SPAG6: variants seen among roughly 807,000 people sequenced by gnomAD.
SPAG6 encodes the protein sperm-associated antigen 6.
SPAG6 carries 49 observed loss-of-function variants against 58.5 expected under a neutral mutation model. The ratio of observed to expected loss-of-function variants is 0.84; its 90% CI spans 0.67 to 1.06. The LOEUF is 1.06. Among genes scored for constraint, SPAG6 ranks in the 50% least tolerant of loss-of-function variants. The pLI, the probability that SPAG6 is intolerant of heterozygous loss-of-function variation, is 0.00. For synonymous variants in SPAG6, 233 were observed against 225.6 expected (o/e 1.03, Z -0.29); for missense variants, 560 against 611.3 (o/e 0.92, Z 0.89).
chr10:22,354,311 C>T (rs563199531), intron 2 of SPAG6, among the ~76,000 whole-genome samples: 2 of 152,222 alleles, frequency 1.3e-5, no homozygotes, highest in Admixed American at 6.5e-5. Flanking sequence ...GCAGGTAAGG[C>T]GAGAGATGAC....
At chr10:22,410,337 TAAA>T (rs1210457261) in intron 9 of SPAG6, among the ~76,000 whole-genome samples, 5 of 152,148 alleles carry the variant, frequency 3.3e-5, no homozygotes, top group Non-Finnish European at 7.3e-5. Flanking sequence ...AATGGATAAT[TAAA>T]AATTAAAATT....
At chr10:22,405,579 G>C (rs1290506326) in intron 9 of SPAG6, among the ~76,000 whole-genome samples, 3 of 150,124 alleles carry the variant, frequency 2.0e-5, no homozygotes, top group African/African-American at 7.4e-5. Context: ...GTTCATCAAG[G>C]ATATTGGTCT....
chr10:22,379,994 C>CA (rs1833912290), intron 4 of SPAG6, among the ~76,000 whole-genome samples: 2 of 152,178 alleles, frequency 1.3e-5, no homozygotes, highest in South Asian at 4.1e-4. Context: ...GGGTCTCTCT[C>CA]TGTTTCCCAT....
Position 22,387,705 on chromosome 10 carries a change from CA to C in SPAG6, c.679-117del, listed in dbSNP as rs1834100308. 5.3e-6 allele frequency: 5 copies of C among 952,338 alleles called. No individual in the cohort carries two copies. In the South Asian group the frequency reaches 9.7e-5, roughly 18 times the overall value. 59.0% of individuals were successfully genotyped at this position (952,338 alleles called of 1,614,324 possible). A position where few individuals can be genotyped will look rare whatever the true frequency, so the allele number is the denominator to read the frequency against. ...AAATCTTAGGCTGTTTAGGCATGTA[CA>C]TTTTTTTCCTTTTATAAAGGAATTT... is the stretch of plus-strand genomic sequence containing the variant. On this transcript the variant is annotated intron_variant, in intron 5 of 10. Transcript: ENST00000376624.
chr10:22,416,826 T>C lies in SPAG6; in HGVS notation c.*138T>C. The C allele has an allele frequency of 1.9e-6, 1 of 522,014 alleles. No individual in the cohort carries two copies. The highest frequency in any genetic ancestry group is 5.3e-4 in the Middle Eastern group (1 of 1,890). 32.3% of individuals were successfully genotyped at this position (522,014 alleles called of 1,614,324 possible). The stretch of plus-strand genomic sequence containing the variant: ...ACCTTTAGATAATATTTTCTAAATT[T>C]ATGTAATACTTTAAACATTCGTAGC... On this transcript the variant is annotated 3_prime_UTR_variant, in exon 11 of 11. Transcript: ENST00000376624.
At chr10:22,381,587 T>C (rs534911631) in intron 4 of SPAG6, among the ~76,000 whole-genome samples, 65 of 152,026 alleles carry the variant, frequency 4.3e-4, no homozygotes, top group African/African-American at 1.5e-3. Flanking sequence ...GGCATTTGCA[T>C]TGACCACTTC....
chr10:22,359,748 A>G (rs150055178), intron 2 of SPAG6, among the ~76,000 whole-genome samples: 2 of 152,350 alleles, frequency 1.3e-5, no homozygotes, highest in South Asian at 2.1e-4. Flanking sequence ...AACCAAGGCA[A>G]CAAGATAACT....
At chr10:22,372,684 C>T (rs577343551) in intron 4 of SPAG6, among the ~76,000 whole-genome samples, 4 of 150,572 alleles carry the variant, frequency 2.7e-5, no homozygotes, top group African/African-American at 4.9e-5. Context: ...TGCAAGTGTG[C>T]GGAAGTGTTT....
chr10:22,361,249 A>G (rs907698239), intron 2 of SPAG6: 2 of 164,134 alleles, frequency 1.2e-5, no homozygotes, highest in African/African-American at 4.8e-5. Flanking sequence ...TAAACAATAT[A>G]GGAAAATTAT....
intron 10 of SPAG6, among the ~76,000 whole-genome samples, chr10:22,414,669 C>T (rs1440748082): frequency 6.6e-6 from 1 of 152,196 alleles, no homozygotes. Context: ...AATTTATAAA[C>T]TGACACTTGA....
intron 2 of SPAG6, among the ~76,000 whole-genome samples, chr10:22,354,361 T>C (rs1359746997): frequency 1.3e-5 from 2 of 152,216 alleles, no homozygotes; most frequent in South Asian, 2.1e-4. Context: ...TTGGACACAT[T>C]AGCACCATTC....
intron 9 of SPAG6, among the ~76,000 whole-genome samples, chr10:22,410,531 A>T (rs1456368362): frequency 6.6e-6 from 1 of 152,114 alleles, no homozygotes; most frequent in Non-Finnish European, 1.5e-5. Flanking sequence ...GAGTTAACCA[A>T]GCATAAGGGG....
chr10:22,366,415 T>C (rs1837204087), intron 3 of SPAG6, among the ~76,000 whole-genome samples: 1 of 152,126 alleles, frequency 6.6e-6, no homozygotes, highest in Admixed American at 6.5e-5. Context: ...GAGAAGGGAA[T>C]GGGAATTGAC....
chr10:22,402,928 T>G (rs1003314822), intron 9 of SPAG6, among the ~76,000 whole-genome samples: 2 of 152,174 alleles, frequency 1.3e-5, no homozygotes, highest in African/African-American at 4.8e-5. Context: ...AAGTTTCATT[T>G]TGTAGTTTAA....
In SPAG6 at chr10:22,413,489, T is replaced by C. The variant is rs190007498; in HGVS notation, c.1460+2313T>C. ...CGGAGCTTGCAGTGAGCCGAGATTG[T>C]GCCACTGCACTCCGGCCTGGGTGAC... is the stretch of plus-strand genomic sequence containing the variant. On this transcript the variant is annotated intron_variant, in intron 10 of 10. Transcript: ENST00000376624. 9.8e-3 allele frequency among the ~76,000 whole-genome samples: 1,490 copies of C among 151,806 alleles called. 20 individuals are homozygous for C. The highest frequency in any genetic ancestry group is 0.034 in the African/African-American group (1,409 of 41,320).
At chr10:22,367,653 T>C (rs967238527) in intron 3 of SPAG6, among the ~76,000 whole-genome samples, 2 of 152,186 alleles carry the variant, frequency 1.3e-5, no homozygotes, top group Non-Finnish European at 2.9e-5. Context: ...GTCATTATGC[T>C]AACCATAAAA....
chr10:22,363,938 T>C (rs745532525), intron 2 of SPAG6, among the ~76,000 whole-genome samples: 1 of 152,204 alleles, frequency 6.6e-6, no homozygotes, highest in Non-Finnish European at 1.5e-5. Flanking sequence ...AATCTTAGAC[T>C]AAAACAGCAT....
chr10:22,361,023 A>T (rs1451385795), intron 2 of SPAG6: 1 of 539,168 alleles, frequency 1.9e-6, no homozygotes, highest in Non-Finnish European at 3.3e-6. Context: ...AGGTAAAAAC[A>T]TGTCTCTTTA....
intron 4 of SPAG6, among the ~76,000 whole-genome samples, chr10:22,369,610 G>A (rs1185487030): frequency 6.6e-6 from 1 of 152,160 alleles, no homozygotes; most frequent in Non-Finnish European, 1.5e-5. Context: ...TAGTTGCTGT[G>A]TGACCTCGGA....
Sources: gnomAD v4.1 joint callset for allele counts (sites outside exome capture counted in the v4.1 genomes callset) on GRCh38, gnomAD v4.1.1 for gene constraint, MANE v1.5 for transcripts, NCBI Gene and HGNC (gene_info 2026-07-23, HGNC 2026-07-21) for gene names.